PRR16: variants seen among roughly 807,000 people sequenced by gnomAD.
PRR16 encodes proline rich 16.
PRR16 carries 6 observed loss-of-function variants against 18.2 expected under a neutral mutation model. The observed-to-expected ratio is 0.33, with a 90% CI of 0.18 to 0.65. The LOEUF (loss-of-function observed/expected upper bound fraction) is 0.65. PRR16 is among the 30% of genes least tolerant of loss of function. PRR16 has a pLI of 0.74. For missense variants in PRR16, 412 were observed against 376.6 expected, an observed-to-expected ratio of 1.09 and a Z score of -0.78; for synonymous variants, 151 against 147.8, an observed-to-expected ratio of 1.02 and a Z score of -0.16.
chr5:120,715,103 C>CT, the PRR16 span, among the ~76,000 whole-genome samples: 1 of 150,542 alleles, frequency 6.6e-6, no homozygotes. Context: ...TATCCCAGAA[C>CT]TTAAAAAAAA....
At chr5:120,654,030 C>T (rs965566894) in intron 1 of PRR16, among the ~76,000 whole-genome samples, 12 of 152,046 alleles carry the variant, frequency 7.9e-5, no homozygotes, top group Admixed American at 6.6e-4. Flanking sequence ...TCCCAAAAAC[C>T]TACATTTCTC....
At chr5:120,771,340 C>G in the PRR16 span, among the ~76,000 whole-genome samples, 1 of 151,918 alleles carries the variant, frequency 6.6e-6, no homozygotes, top group East Asian at 1.9e-4. Flanking sequence ...TAGCAACAAC[C>G]CAAACACATT....
At chr5:120,556,926 C>T (rs61159244) in intron 1 of PRR16, among the ~76,000 whole-genome samples, 30,916 of 150,902 alleles carry the variant, frequency 0.2, 3,251 homozygotes, top group Non-Finnish European at 0.21. Flanking sequence ...CCATAAATAA[C>T]CAGTAGACCC....
chr5:120,570,150 T>A (rs962419076), intron 1 of PRR16, among the ~76,000 whole-genome samples: 1 of 152,042 alleles, frequency 6.6e-6, no homozygotes, highest in Admixed American at 6.6e-5. Context: ...ATAAATTACA[T>A]AGAAGATAAA....
the PRR16 span, among the ~76,000 whole-genome samples, chr5:120,707,043 C>G: frequency 1.8e-3 from 269 of 152,210 alleles, no homozygotes; most frequent in Middle Eastern, 6.8e-3. Flanking sequence ...GGTTGTAAAA[C>G]TGGAAAGAGG....
chr5:120,508,521 A>T (rs1167114471), intron 1 of PRR16, among the ~76,000 whole-genome samples: 1 of 152,136 alleles, frequency 6.6e-6, no homozygotes, highest in East Asian at 1.9e-4. Flanking sequence ...ACGGGTAACA[A>T]CCCAGGAAGC....
At chr5:120,530,705 A>T (rs914465087) in intron 1 of PRR16, among the ~76,000 whole-genome samples, 1 of 152,216 alleles carries the variant, frequency 6.6e-6, no homozygotes, top group East Asian at 1.9e-4. Context: ...GGTATAGGAG[A>T]TATTGGGGAG....
At position 120,600,384 on chromosome 5, in the gene PRR16, G is replaced by A. The variant is rs181293593; in HGVS notation, c.160-85570G>A. Among the ~76,000 whole-genome samples the A allele has an allele frequency of 5.4e-3, 820 of 151,614 alleles. 13 individuals carry two copies. Among genetic ancestry groups the A allele is most frequent in the African/African-American group, 0.018 (748 of 41,408 alleles). On this transcript the variant is annotated intron_variant, in intron 1 of 1. Transcript: ENST00000407149. ...ACTTTCTCAAGGTGTTTTTAGTTTT[G>A]TCCTTTATTTATTGCTCCAACAACG...
At chr5:120,717,470 C>G in the PRR16 span, among the ~76,000 whole-genome samples, 2 of 152,112 alleles carry the variant, frequency 1.3e-5, no homozygotes, top group African/African-American at 2.4e-5. Flanking sequence ...GATTAATAAT[C>G]TCATGCAGAA....
chr5:120,700,419 T>C, the PRR16 span, among the ~76,000 whole-genome samples: 1 of 151,824 alleles, frequency 6.6e-6, no homozygotes, highest in Non-Finnish European at 1.5e-5. Flanking sequence ...AGTAGAGGTA[T>C]CTCATACTTG....
intron 1 of PRR16, among the ~76,000 whole-genome samples, chr5:120,602,610 G>A (rs1372842821): frequency 6.6e-6 from 1 of 152,024 alleles, no homozygotes; most frequent in Non-Finnish European, 1.5e-5. Flanking sequence ...TGCTGAATAG[G>A]AGTGATGAGA....
chr5:120,774,615 G>A, the PRR16 span, among the ~76,000 whole-genome samples: 2 of 152,062 alleles, frequency 1.3e-5, no homozygotes, highest in Admixed American at 6.5e-5. Flanking sequence ...CTGCTGAGTT[G>A]TAAAACCCTG....
Position 120,464,419 on chromosome 5 carries a change from A to G in PRR16, c.-68A>G, listed in dbSNP as rs896404856. ...GGGCGGCAGCGGCCGTAGCAGCGCC[A>G]GGGACGGGGGCACGCAGCAGCCTCC... On this transcript the variant is annotated 5_prime_UTR_variant, in exon 1 of 2. Transcript: ENST00000407149. The G allele has an allele frequency of 6.8e-6, 10 of 1,474,206 alleles. No homozygotes were observed. Among genetic ancestry groups the G allele is most frequent in the Non-Finnish European group, 9.0e-6 (10 of 1,108,412 alleles). The allele number at this position is 1,474,206 out of a possible 1,614,324, so 91.3% of individuals were successfully genotyped here.
At chr5:120,467,060 G>A (rs1326366950) in intron 1 of PRR16, among the ~76,000 whole-genome samples, 1 of 152,116 alleles carries the variant, frequency 6.6e-6, no homozygotes, top group Non-Finnish European at 1.5e-5. Context: ...TGTCCAGCAT[G>A]TATCTTTTTA....
chr5:120,792,385 A>G, the PRR16 span, among the ~76,000 whole-genome samples: 3 of 152,150 alleles, frequency 2.0e-5, no homozygotes, highest in Admixed American at 1.3e-4. Flanking sequence ...AGTTTTGATT[A>G]TATTTACTTT....
intron 1 of PRR16, among the ~76,000 whole-genome samples, chr5:120,508,418 T>G (rs1237478491): frequency 1.3e-5 from 2 of 152,110 alleles, no homozygotes; most frequent in Non-Finnish European, 2.9e-5. Flanking sequence ...TTACAATAAC[T>G]TAAAGGAGAA....
chr5:120,549,104 C>G (rs1334292688), intron 1 of PRR16, among the ~76,000 whole-genome samples: 1 of 151,884 alleles, frequency 6.6e-6, no homozygotes, highest in African/African-American at 2.4e-5. Flanking sequence ...GCATGTTTCT[C>G]TTTTATTGAT....
intron 1 of PRR16, among the ~76,000 whole-genome samples, chr5:120,486,423 G>T (rs9687547): frequency 1 from 149,812 of 150,040 alleles, 74,792 homozygotes; most frequent in South Asian, 1. Context: ...TTTTTTCATG[G>T]GTCTGTTGGC....
At chr5:120,625,199 C>T (rs969171535) in intron 1 of PRR16, among the ~76,000 whole-genome samples, 8 of 152,146 alleles carry the variant, frequency 5.3e-5, no homozygotes, top group African/African-American at 1.9e-4. Flanking sequence ...TGAGTGTTCA[C>T]TGGTAGAAAT....
Sources: allele counts gnomAD v4.1 joint callset (sites outside exome capture counted in the v4.1 genomes callset), GRCh38; gene constraint gnomAD v4.1.1; transcripts MANE v1.5; gene names NCBI Gene and HGNC (gene_info 2026-07-23, HGNC 2026-07-21).